Variants in IMMP2L observed in about 807,000 individuals in gnomAD.
IMMP2L encodes mitochondrial inner membrane protease subunit 2.
A neutral mutation model predicts 19.3 loss-of-function variants in IMMP2L; 18 were observed. The observed-to-expected ratio is 0.93, with a 90% CI of 0.64 to 1.38. The LOEUF is 1.38. Among genes scored for constraint, IMMP2L ranks in the 40% most tolerant of loss-of-function variants. The pLI is 0.00. For missense variants in IMMP2L, 233 were observed against 218.2 expected, an observed-to-expected ratio of 1.07 and a Z score of -0.43; for synonymous variants, 76 against 73.0, an observed-to-expected ratio of 1.04 and a Z score of -0.21.
intron 2 of IMMP2L, among the ~76,000 whole-genome samples, chr7:111,489,375 T>C (rs1842915471): frequency 6.6e-6 from 1 of 152,056 alleles, no homozygotes; most frequent in Non-Finnish European, 1.5e-5. Flanking sequence ...TGTCCTTTCT[T>C]GCTGATTTGA....
chr7:111,077,578 G>A (rs1007567621), intron 3 of IMMP2L, among the ~76,000 whole-genome samples: 1 of 152,140 alleles, frequency 6.6e-6, no homozygotes, highest in Admixed American at 6.5e-5. Context: ...TATCAGGGAA[G>A]TCCAGTATTC....
At chr7:111,060,208 C>A (rs1793896289) in intron 3 of IMMP2L, among the ~76,000 whole-genome samples, 1 of 152,174 alleles carries the variant, frequency 6.6e-6, no homozygotes, top group Admixed American at 6.5e-5. Flanking sequence ...ACTGACAATT[C>A]AGAAAGACTA....
chr7:110,902,782 A>G (rs1812027134), intron 4 of IMMP2L, among the ~76,000 whole-genome samples: 1 of 88,518 alleles, frequency 1.1e-5, no homozygotes, highest in African/African-American at 5.3e-5. Flanking sequence ...AAAAAAAAAA[A>G]TTAGCCGGGC....
At chr7:111,134,294 A>G (rs1279195478) in intron 3 of IMMP2L, among the ~76,000 whole-genome samples, 1 of 152,032 alleles carries the variant, frequency 6.6e-6, no homozygotes, top group African/African-American at 2.4e-5. Context: ...TCTTCAGATA[A>G]TATTTTTAAA....
Position 110,870,422 on chromosome 7 carries a change from A to G in IMMP2L, c.408+16171T>C, listed in dbSNP as rs770328925. Among the ~76,000 whole-genome samples the G allele has an allele frequency of 6.6e-6, 1 of 152,186 alleles. No individual in the cohort carries two copies. The highest frequency in any genetic ancestry group is 1.5e-5 in the Non-Finnish European group (1 of 68,034). On this transcript the variant is annotated intron_variant, in intron 5 of 5. Coordinates refer to ENST00000405709, the MANE Select transcript of IMMP2L (RefSeq NM_032549.4). This position sits in a 1 kb window ranked among gnomAD's most constrained non-coding sequence, Gnocchi z 4.2. ...ATGAGCCAGCCAGGCACTGTGCTAC[A>G]GCAGTGAACCAAAAGGACAAGGTTC...
rs571228173 is a variant in IMMP2L at position 110,805,562 on chromosome 7, A to G, written c.408+81031T>C. Reference sequence around the variant, plus strand: ...CCATTAAGTCATTTTTTAAAATAACATTAAAAAATTCTATGATCCTATAAT... The same window carrying G: ...CCATTAAGTCATTTTTTAAAATAACGTTAAAAAATTCTATGATCCTATAAT... On this transcript the variant is annotated intron_variant, in intron 5 of 5. Transcript: ENST00000405709. Among the ~76,000 whole-genome samples, 103 of 152,202 alleles carry G rather than the reference A, an allele frequency of 6.8e-4. 1 individual carries two copies. Among genetic ancestry groups the G allele is most frequent in the Admixed American group, 6.7e-3 (103 of 15,266 alleles).
At chr7:110,795,892 G>GAT (rs1267126736) in intron 5 of IMMP2L, among the ~76,000 whole-genome samples, 2 of 152,042 alleles carry the variant, frequency 1.3e-5, no homozygotes, top group African/African-American at 4.8e-5. Context: ...GACAGAGATA[G>GAT]GTGGTGATAT....
intron 3 of IMMP2L, among the ~76,000 whole-genome samples, chr7:111,296,492 G>A (rs1223568699): frequency 6.6e-6 from 1 of 151,422 alleles, no homozygotes; most frequent in East Asian, 1.9e-4. Context: ...TTACACAACT[G>A]TTAGAATAGC....
At chr7:111,217,628 A>G (rs536654311) in intron 3 of IMMP2L, among the ~76,000 whole-genome samples, 1 of 152,250 alleles carries the variant, frequency 6.6e-6, no homozygotes, top group African/African-American at 2.4e-5. Flanking sequence ...TTGTGACAGA[A>G]TTATCCAATC....
chr7:111,521,570 C>T lies in IMMP2L; in HGVS notation c.-2-121G>A, dbSNP rs1455297915. On this transcript the variant is annotated intron_variant, in intron 1 of 5. Coordinates refer to ENST00000405709, the MANE Select transcript of IMMP2L (RefSeq NM_032549.4). ...GGCAATCTTGTCTCTTAATATATTA[C>T]ACACTCATTCCTGTAACCATTAGAA... The T allele has an allele frequency of 8.2e-6, 6 of 729,782 alleles. 1 individual carries two copies. The East Asian group carries it at 1.6e-4, about 20-fold the overall frequency. The allele number at this position is 729,782 out of a possible 1,614,324, so 45.2% of individuals were successfully genotyped here.
Position 111,129,415 on chromosome 7 carries a change from T to C in IMMP2L, c.240-165850A>G, listed in dbSNP as rs557902884. Among the ~76,000 whole-genome samples the C allele has an allele frequency of 7.3e-5, 11 of 150,428 alleles. 1 individual carries two copies. The East Asian group carries it at 1.9e-3, about 27-fold the overall frequency. The stretch of plus-strand genomic sequence containing the variant: ...ATAGTTGTCACCATTATATTTACTA[T>C]ATTATATGTTATATATATTATTACC... On this transcript the variant is annotated intron_variant, in intron 3 of 5. Coordinates refer to ENST00000405709, the MANE Select transcript of IMMP2L (RefSeq NM_032549.4).
chr7:110,721,697 G>T (rs373608460), intron 5 of IMMP2L, among the ~76,000 whole-genome samples: 2 of 152,044 alleles, frequency 1.3e-5, no homozygotes, highest in Non-Finnish European at 2.9e-5. Context: ...GCAAAGAATG[G>T]AAATCTTTGC....
chr7:111,376,588 T>C (rs1584861317), intron 3 of IMMP2L, among the ~76,000 whole-genome samples: 1 of 151,974 alleles, frequency 6.6e-6, no homozygotes, highest in Non-Finnish European at 1.5e-5. Flanking sequence ...TATTCAAAAA[T>C]TTGCAAACAA....
rs190257627 is a variant in IMMP2L, at chr7:110,993,833, G to A, written c.240-30268C>T. Among the ~76,000 whole-genome samples, 177 of 151,940 alleles carry A rather than the reference G, an allele frequency of 1.2e-3. 1 individual carries two copies. The highest frequency in any genetic ancestry group is 3.9e-3 in the African/African-American group (162 of 41,470). On this transcript the variant is annotated intron_variant, in intron 3 of 5. Transcript: ENST00000405709. ...ATCAGCCCCTCCTGACTTCCCCATCGCTCTTGATGAACACACTCTCCTAGG... is the reference window on the plus strand; with the variant it reads ...ATCAGCCCCTCCTGACTTCCCCATCACTCTTGATGAACACACTCTCCTAGG...
intron 4 of IMMP2L, among the ~76,000 whole-genome samples, chr7:110,954,444 G>C (rs557255471): frequency 6.6e-6 from 1 of 152,056 alleles, no homozygotes; most frequent in African/African-American, 2.4e-5. Context: ...TTAACACACA[G>C]GAAATATTCA....
intron 3 of IMMP2L, among the ~76,000 whole-genome samples, chr7:111,149,642 C>T (rs1409314930): frequency 6.6e-6 from 1 of 151,996 alleles, no homozygotes; most frequent in Non-Finnish European, 1.5e-5. Context: ...TGCAAATGTC[C>T]AAAAAATTTT....
intron 1 of IMMP2L, among the ~76,000 whole-genome samples, chr7:111,539,408 CT>C (rs534057955): frequency 6.7e-4 from 102 of 152,202 alleles, no homozygotes; most frequent in African/African-American, 2.3e-3. Context: ...GATCAAGTAA[CT>C]TTCATAATCC....
intron 3 of IMMP2L, among the ~76,000 whole-genome samples, chr7:111,166,037 G>A (rs896651393): frequency 2.0e-5 from 3 of 151,932 alleles, no homozygotes; most frequent in Non-Finnish European, 4.4e-5. Flanking sequence ...AGAATATTTA[G>A]TCCTTAATTA....
chr7:111,085,661 G>A (rs968617480), intron 3 of IMMP2L, among the ~76,000 whole-genome samples: 5 of 151,906 alleles, frequency 3.3e-5, no homozygotes, highest in South Asian at 4.1e-4. Flanking sequence ...TCCTTTGACC[G>A]CTTTTTATAA....
Sources: allele counts gnomAD v4.1 joint callset (sites outside exome capture counted in the v4.1 genomes callset), GRCh38; gene constraint gnomAD v4.1.1; non-coding constraint Gnocchi (gnomAD v3.1); transcripts MANE v1.5; gene names NCBI Gene and HGNC (gene_info 2026-07-23, HGNC 2026-07-21).